EDIL3: variants seen among roughly 807,000 people sequenced by gnomAD.
EDIL3 encodes EGF-like repeat and discoidin I-like domain-containing protein 3.
In EDIL3, 37 loss-of-function variants were observed where a neutral mutation model predicts 67.4. That is an observed-to-expected ratio of 0.55 (90% CI 0.42 to 0.72). The LOEUF is 0.72. Ranked by LOEUF, EDIL3 falls within the 30% of genes least tolerant of loss-of-function variation. The pLI is 0.00. For missense variants in EDIL3, 527 were observed against 586.3 expected (o/e 0.90, Z 1.04); for synonymous variants, 195 against 196.3 (o/e 0.99, Z 0.05).
intron 1 of EDIL3, among the ~76,000 whole-genome samples, chr5:84,289,320 C>T (rs1745869886): frequency 6.6e-6 from 1 of 152,126 alleles, no homozygotes; most frequent in South Asian, 2.1e-4. Flanking sequence ...CTTAAATTAG[C>T]AAAACAGCTT....
At chr5:84,286,858 G>A (rs866376885) in intron 1 of EDIL3, among the ~76,000 whole-genome samples, 1 of 152,182 alleles carries the variant, frequency 6.6e-6, no homozygotes, top group South Asian at 2.1e-4. Context: ...CAGCCTGTAT[G>A]TACCTGCTCT....
intron 5 of EDIL3, among the ~76,000 whole-genome samples, chr5:84,122,658 G>A (rs746514112): frequency 1.3e-4 from 20 of 151,762 alleles, no homozygotes; most frequent in Admixed American, 2.6e-4. Flanking sequence ...CGCTGGGGGT[G>A]TTCTGTTTGC....
At chr5:84,355,551 A>G (rs1322104888) in intron 1 of EDIL3, among the ~76,000 whole-genome samples, 1 of 152,078 alleles carries the variant, frequency 6.6e-6, no homozygotes, top group East Asian at 1.9e-4. Context: ...CCTCTGCTGC[A>G]GGTCTGCTGG....
intron 4 of EDIL3, among the ~76,000 whole-genome samples, chr5:84,164,153 G>A (rs1252267486): frequency 3.3e-5 from 5 of 151,844 alleles, no homozygotes; most frequent in Admixed American, 6.6e-5. Context: ...CAGTTAAAAC[G>A]GTTTGCAGTA....
chr5:84,167,710 G>A (rs2112345742), intron 4 of EDIL3, among the ~76,000 whole-genome samples: 1 of 152,224 alleles, frequency 6.6e-6, no homozygotes, highest in Middle Eastern at 3.4e-3. Flanking sequence ...GAATAGGCAA[G>A]TGGCCCAGTT....
chr5:83,943,658 C>A (rs1317693759), intron 10 of EDIL3, 90 bp from the exon 11 acceptor site: 2 of 1,459,828 alleles, frequency 1.4e-6, no homozygotes, highest in Non-Finnish European at 1.8e-6. Context: ...TTTCCCCAAA[C>A]ATGATATTTG....
At chr5:84,374,843 G>C (rs1747932758) in intron 1 of EDIL3, among the ~76,000 whole-genome samples, 2 of 152,084 alleles carry the variant, frequency 1.3e-5, no homozygotes, top group Admixed American at 1.3e-4. Context: ...ACGTGAAGAA[G>C]GTCCTTGCTT....
At chr5:84,135,794 TCCTTCCTCAATTA>T (rs1482386968) in intron 5 of EDIL3, among the ~76,000 whole-genome samples, 1 of 152,208 alleles carries the variant, frequency 6.6e-6, no homozygotes, top group Non-Finnish European at 1.5e-5. Context: ...ATGCTCAATG[TCCTTCCTCAATTA>T]CTTTAAGCTT....
chr5:83,948,149 T>G (rs374004181), intron 10 of EDIL3, among the ~76,000 whole-genome samples: 45 of 151,920 alleles, frequency 3.0e-4, no homozygotes, highest in African/African-American at 1.1e-3. Context: ...CAAATAGATT[T>G]TGGATATTTT....
intron 1 of EDIL3, among the ~76,000 whole-genome samples, chr5:84,282,529 T>C (rs56168432): frequency 0.075 from 11,484 of 152,272 alleles, 580 homozygotes; most frequent in South Asian, 0.2. Flanking sequence ...TACAGATATT[T>C]GGGATTGAAG....
intron 3 of EDIL3, among the ~76,000 whole-genome samples, chr5:84,188,249 T>C (rs1275100502): frequency 2.0e-5 from 3 of 151,982 alleles, no homozygotes; most frequent in African/African-American, 7.2e-5. Flanking sequence ...ACAAACATGG[T>C]AGTTTAAAAC....
chr5:83,965,522 C>T (rs1744673359), intron 9 of EDIL3, among the ~76,000 whole-genome samples: 1 of 152,058 alleles, frequency 6.6e-6, no homozygotes, highest in Admixed American at 6.6e-5. Flanking sequence ...CATACAGGAA[C>T]TCAAACAGTG....
chr5:84,291,731 G>GATAT (rs1745924529), intron 1 of EDIL3, among the ~76,000 whole-genome samples: 1 of 138,110 alleles, frequency 7.2e-6, no homozygotes, highest in Non-Finnish European at 1.5e-5. Flanking sequence ...TATCTATATA[G>GATAT]ATCTATCTAT....
At chr5:84,014,016 T>A (rs927632168) in intron 9 of EDIL3, among the ~76,000 whole-genome samples, 1 of 152,204 alleles carries the variant, frequency 6.6e-6, no homozygotes, top group Non-Finnish European at 1.5e-5. Context: ...CATGTTTGAC[T>A]TTCCAAGCTT....
chr5:84,070,060 T>G (rs1342612077), intron 6 of EDIL3, among the ~76,000 whole-genome samples: 1 of 151,316 alleles, frequency 6.6e-6, no homozygotes, highest in Non-Finnish European at 1.5e-5. Flanking sequence ...TGGAGGAGAG[T>G]CCTGCCGCTG....
At chr5:84,145,558 A>C (rs1355534893) in intron 4 of EDIL3, among the ~76,000 whole-genome samples, 2 of 152,136 alleles carry the variant, frequency 1.3e-5, no homozygotes, top group Non-Finnish European at 2.9e-5. Context: ...ACATTCTCTA[A>C]AATTTCATTA....
At chr5:83,947,363 CTGTGTCTGTGTGTGTGTG>C (rs1580246854) in intron 10 of EDIL3, among the ~76,000 whole-genome samples, 4 of 126,570 alleles carry the variant, frequency 3.2e-5, no homozygotes, top group African/African-American at 8.7e-5. Context: ...GTGTCTGTGT[CTGTGTCTGTGTGTGTGTG>C]TGTGTGTGTG....
intron 6 of EDIL3, among the ~76,000 whole-genome samples, chr5:84,076,420 G>T (rs62364225): frequency 0.3 from 44,970 of 152,028 alleles, 6,824 homozygotes; most frequent in African/African-American, 0.36. Context: ...ATCTACCAAT[G>T]AAGATTTTGT....
chr5:84,297,820 C>G (rs923956288), intron 1 of EDIL3, among the ~76,000 whole-genome samples: 1 of 152,126 alleles, frequency 6.6e-6, no homozygotes, highest in Non-Finnish European at 1.5e-5. Context: ...ACTCAAGATA[C>G]AGTCGATCCT....
Sources: allele counts gnomAD v4.1 joint callset (sites outside exome capture counted in the v4.1 genomes callset), GRCh38; gene constraint gnomAD v4.1.1; transcripts MANE v1.5; gene names NCBI Gene and HGNC (gene_info 2026-07-23, HGNC 2026-07-21).